GRIA4: variants seen among roughly 807,000 people sequenced by gnomAD.
GRIA4 encodes glutamate ionotropic receptor AMPA type subunit 4.
In GRIA4, 34 loss-of-function variants were observed where a neutral mutation model predicts 104.0. The observed-to-expected ratio is 0.33, with a 90% confidence interval of 0.25 to 0.44. The LOEUF (loss-of-function observed/expected upper bound fraction) is 0.44. Among genes scored for constraint, GRIA4 ranks in the 20% least tolerant of loss-of-function variants. The pLI is 1.00. For missense variants in GRIA4, 750 were observed against 1,096.5 expected, an observed-to-expected ratio of 0.68 and a Z score of 4.46; for synonymous variants, 386 against 381.9, an observed-to-expected ratio of 1.01 and a Z score of -0.13.
At chr11:105,862,378 A>G in intron 5 of GRIA4, 170 bp downstream of exon 5, 1 of 564,172 alleles carries the variant, frequency 1.8e-6, no homozygotes, top group South Asian at 2.2e-5. Flanking sequence ...TTTATCACCA[A>G]GGACCTTTTT....
intron 7 of GRIA4, among the ~76,000 whole-genome samples, chr11:105,902,358 T>C (rs1163053376): frequency 1.3e-5 from 2 of 151,034 alleles, no homozygotes; most frequent in South Asian, 2.1e-4. Flanking sequence ...TGAGACAGGG[T>C]CTTTATCTGT....
rs192203798 is a variant in GRIA4 at position 105,627,134 on chromosome 11, A to G, written c.247+14700A>G. Among the ~76,000 whole-genome samples the G allele has an allele frequency of 2.4e-3, 364 of 152,316 alleles. 1 individual carries two copies. Among genetic ancestry groups the G allele is most frequent in the African/African-American group, 7.3e-3 (305 of 41,564 alleles). On this transcript the variant is annotated intron_variant, in intron 3 of 16. Coordinates refer to ENST00000282499, the MANE Select transcript of GRIA4 (RefSeq NM_000829.4). ...GGGGGAAATTCAGAAATTATGTGAC[A>G]ATCTGCTTAGTCTTTGAAAGACGCA...
chr11:105,888,713 CTT>C (rs915838995), intron 6 of GRIA4, among the ~76,000 whole-genome samples: 2 of 151,950 alleles, frequency 1.3e-5, no homozygotes, highest in African/African-American at 2.4e-5. Flanking sequence ...GACTGTCAGA[CTT>C]TGAGACAGGA....
intron 5 of GRIA4, among the ~76,000 whole-genome samples, chr11:105,868,355 T>G (rs1227438882): frequency 1.3e-5 from 2 of 152,142 alleles, no homozygotes; most frequent in Non-Finnish European, 2.9e-5. Flanking sequence ...CTGTAAAGAT[T>G]GGAGGTAGCA....
chr11:105,664,255 A>G (rs1013970265), intron 3 of GRIA4, among the ~76,000 whole-genome samples: 2 of 150,298 alleles, frequency 1.3e-5, no homozygotes, highest in African/African-American at 4.9e-5. Flanking sequence ...GGGGCACTGG[A>G]TAAGTGGAGG....
intron 14 of GRIA4, among the ~76,000 whole-genome samples, chr11:105,937,120 C>G (rs73544634): frequency 1.4e-3 from 207 of 152,062 alleles, no homozygotes; most frequent in African/African-American, 4.8e-3. Context: ...CTTGGCAATC[C>G]GAAACAATTG....
chr11:105,902,746 G>C (rs1946904114), intron 7 of GRIA4, among the ~76,000 whole-genome samples: 1 of 152,166 alleles, frequency 6.6e-6, no homozygotes, highest in African/African-American at 2.4e-5. Context: ...GCTCAAACAG[G>C]CATGGAAGGT....
chr11:105,773,364 C>A (rs925064050), intron 4 of GRIA4, among the ~76,000 whole-genome samples: 1 of 151,950 alleles, frequency 6.6e-6, no homozygotes, highest in African/African-American at 2.4e-5. Context: ...ATAAAACAAG[C>A]AACTAAATTG....
intron 14 of GRIA4, among the ~76,000 whole-genome samples, chr11:105,956,865 T>C (rs529778436): frequency 2.0e-5 from 3 of 152,260 alleles, no homozygotes; most frequent in Non-Finnish European, 4.4e-5. Context: ...CCAGTGATGA[T>C]GAGCATTTTT....
At position 105,964,784 on chromosome 11, in the gene GRIA4, GT is replaced by G. The variant is rs907549424; in HGVS notation, c.2295-7121del. Among the ~76,000 whole-genome samples the G allele has an allele frequency of 6.5e-3, 955 of 146,250 alleles. 9 individuals carry two copies. The highest frequency in any genetic ancestry group is 0.022 in the African/African-American group (867 of 39,208). ...TATGGGAGGCAGAAGCCCATGACATGTTTTTTTTTGTTTTTTTTTTGTTTGT... is the reference window on the plus strand; with the variant it reads ...TATGGGAGGCAGAAGCCCATGACATGTTTTTTTTGTTTTTTTTTTGTTTGT... On this transcript the variant is annotated intron_variant, in intron 14 of 16. Transcript: ENST00000282499.
intron 4 of GRIA4, among the ~76,000 whole-genome samples, chr11:105,847,691 A>G: frequency 6.6e-6 from 1 of 152,202 alleles, no homozygotes; most frequent in East Asian, 1.9e-4. Flanking sequence ...TTATTTTTAG[A>G]CAAAGCTAGA....
At chr11:105,668,133 TC>T (rs1269324674) in intron 3 of GRIA4, among the ~76,000 whole-genome samples, 29 of 150,242 alleles carry the variant, frequency 1.9e-4, no homozygotes, top group Middle Eastern at 3.5e-3. Flanking sequence ...CATTCCAAGT[TC>T]ATCCATATTG....
At chr11:105,670,608 C>T (rs987676041) in intron 3 of GRIA4, among the ~76,000 whole-genome samples, 15 of 152,092 alleles carry the variant, frequency 9.9e-5, no homozygotes, top group African/African-American at 2.4e-4. Flanking sequence ...GGGTATATTG[C>T]ATGCATAAGT....
intron 11 of GRIA4, among the ~76,000 whole-genome samples, chr11:105,920,179 A>T (rs1363277687): frequency 2.0e-5 from 3 of 152,164 alleles, no homozygotes; most frequent in Non-Finnish European, 4.4e-5. Context: ...CATAGGAAAG[A>T]ATTGCTGACT....
At chr11:105,917,731 G>A (rs560130627) in intron 10 of GRIA4, among the ~76,000 whole-genome samples, 1 of 151,908 alleles carries the variant, frequency 6.6e-6, no homozygotes, top group Non-Finnish European at 1.5e-5. Context: ...TCTTTGGTTG[G>A]TGGCTTTAGG....
intron 14 of GRIA4, among the ~76,000 whole-genome samples, chr11:105,951,794 C>T (rs1302584994): frequency 6.6e-6 from 1 of 151,854 alleles, no homozygotes; most frequent in Non-Finnish European, 1.5e-5. Context: ...CACATTTCTA[C>T]AAAATATACA....
chr11:105,717,267 A>G (rs990534283), intron 3 of GRIA4, among the ~76,000 whole-genome samples: 2 of 152,076 alleles, frequency 1.3e-5, no homozygotes, highest in Non-Finnish European at 2.9e-5. Flanking sequence ...GCTCCATACC[A>G]GCTAATTTTT....
At chr11:105,706,887 G>A (rs1204758342) in intron 3 of GRIA4, 1 of 152,260 alleles carries the variant, frequency 6.6e-6, no homozygotes, top group Non-Finnish European at 1.5e-5. Flanking sequence ...ATTACTGAAG[G>A]CCTTAAGTTT....
At chr11:105,721,759 C>T (rs1937838282) in intron 3 of GRIA4, among the ~76,000 whole-genome samples, 1 of 152,266 alleles carries the variant, frequency 6.6e-6, no homozygotes, top group East Asian at 1.9e-4. Flanking sequence ...GCTATTCCCA[C>T]AGCAGGGTAA....
Sources: allele counts gnomAD v4.1 joint callset (sites outside exome capture counted in the v4.1 genomes callset), GRCh38; gene constraint gnomAD v4.1.1; transcripts MANE v1.5; gene names NCBI Gene and HGNC (gene_info 2026-07-23, HGNC 2026-07-21).